INPP5D: variants seen among roughly 807,000 people sequenced by gnomAD.
INPP5D encodes phosphatidylinositol 3,4,5-trisphosphate 5-phosphatase 1.
Under a neutral mutation model 122.9 loss-of-function variants are expected in INPP5D, and 33 were observed. The ratio of observed to expected loss-of-function variants is 0.27; its 90% CI spans 0.20 to 0.36. The LOEUF is 0.36. INPP5D is among the 10% of genes least tolerant of loss of function. The probability of loss-of-function intolerance (pLI) is 1.00; values close to 1 mark genes in which losing one functional copy is unlikely to be tolerated. For synonymous variants in INPP5D, 584 were observed against 576.2 expected, an observed-to-expected ratio of 1.01 and a Z score of -0.19; for missense variants, 1,053 against 1,412.7, an observed-to-expected ratio of 0.75 and a Z score of 4.08.
At chr2:233,130,447 T>C in intron 4 of INPP5D, 61 bp from the exon 5 acceptor site, 1 of 1,567,472 alleles carries the variant, frequency 6.4e-7, no homozygotes, top group South Asian at 1.2e-5. Flanking sequence ...GCTGTTCCCA[T>C]TGGTGATGGT....
intron 9 of INPP5D, among the ~76,000 whole-genome samples, chr2:233,148,347 G>T (rs1409963158): frequency 2.7e-5 from 4 of 148,956 alleles, no homozygotes; most frequent in Admixed American, 2.7e-4. Context: ...AGGGCAAAGG[G>T]GTAGAGGTTA....
chr2:233,142,767 A>T (rs1693658342), intron 6 of INPP5D, among the ~76,000 whole-genome samples: 1 of 152,128 alleles, frequency 6.6e-6, no homozygotes, highest in African/African-American at 2.4e-5. Flanking sequence ...GGGTCAGCTG[A>T]TGTAAACCCT....
intron 9 of INPP5D, among the ~76,000 whole-genome samples, chr2:233,156,597 C>A (rs141947881): frequency 6.6e-6 from 1 of 152,120 alleles, no homozygotes; most frequent in South Asian, 2.1e-4. Flanking sequence ...GCCTGGCCCA[C>A]GCTTCCTTCT....
At chr2:233,169,947 A>G (rs1694447935) in intron 14 of INPP5D, 79 bp from the exon 15 acceptor site, 3 of 1,601,808 alleles carry the variant, frequency 1.9e-6, no homozygotes, top group African/African-American at 1.3e-5. Flanking sequence ...CCCCACACCT[A>G]TGGCAGGAGT....
chr2:233,165,600 G>A (rs1407120412), intron 13 of INPP5D, among the ~76,000 whole-genome samples: 8 of 151,940 alleles, frequency 5.3e-5, no homozygotes, highest in Admixed American at 5.2e-4. Flanking sequence ...GTGTGTTTAT[G>A]TGCATCTGTG....
rs576699052 is a variant in INPP5D, at chr2:233,129,909, TGTGTGTGTGA to T, written c.525-597_525-588del. Among the ~76,000 whole-genome samples the T allele has an allele frequency of 3.2e-3, 488 of 151,144 alleles. 5 individuals are homozygous for T. Among genetic ancestry groups the T allele is most frequent in the Middle Eastern group, 0.014 (4 of 290 alleles). On this transcript the variant is annotated intron_variant, in intron 4 of 26. Transcript: ENST00000445964. ...TTGTGTGTGTGTGTGTGTGTGTGTG[TGTGTGTGTGA>T]GAGACAGTGTCTCACTCTGTCACTC...
chr2:233,069,863 A>G (rs996401084), intron 1 of INPP5D, among the ~76,000 whole-genome samples: 1 of 152,206 alleles, frequency 6.6e-6, no homozygotes, highest in Non-Finnish European at 1.5e-5. Flanking sequence ...GAATTACTAG[A>G]TCGAGGGACA....
rs1476303658 is a variant in INPP5D, at chr2:233,105,122, A to G, written c.199-16985A>G. Among the ~76,000 whole-genome samples, 1 of 152,162 alleles carries G rather than the reference A, an allele frequency of 6.6e-6. No homozygotes were observed. Among genetic ancestry groups the G allele is most frequent in the African/African-American group, 2.4e-5 (1 of 41,440 alleles). ...ATTTCCCCATAGGTGAGGTGGTTCC[A>G]GTGCCCAAGGGCAGTCGTCTGAGGC... On this transcript the variant is annotated intron_variant, in intron 2 of 26. Transcript: ENST00000445964. The surrounding 1 kb of genome is among the most constrained non-coding windows in gnomAD (Gnocchi z 4.0).
At chr2:233,113,329 G>T (rs1692683861) in intron 2 of INPP5D, among the ~76,000 whole-genome samples, 10 of 152,076 alleles carry the variant, frequency 6.6e-5, no homozygotes, top group Admixed American at 6.6e-4. Flanking sequence ...CAGGTCCAAG[G>T]TCTGCTGGCC....
rs868506689 is a variant in INPP5D, at chr2:233,169,410, AC to A, written c.1652+10del. ...AGTGAAAAGAAACTCAGGTAATGGAACTCCTTCCCCCCAAGAGTGTGCATTT... is the reference window on the plus strand; with the variant it reads ...AGTGAAAAGAAACTCAGGTAATGGAATCCTTCCCCCCAAGAGTGTGCATTT... On this transcript the variant is annotated intron_variant, in intron 14 of 26. Transcript: ENST00000445964. The A allele has an allele frequency of 0.41, 642,547 of 1,579,348 alleles. 141,600 individuals are homozygous for A. Among genetic ancestry groups the A allele is most frequent in the Non-Finnish European group, 0.46 (529,035 of 1,161,748 alleles).
intron 9 of INPP5D, among the ~76,000 whole-genome samples, 185 bp from the exon 10 acceptor site, chr2:233,158,128 C>G (rs1694103697): frequency 6.6e-6 from 1 of 152,102 alleles, no homozygotes; most frequent in South Asian, 2.1e-4. Flanking sequence ...AGACATCACC[C>G]TCCCCAAGCA....
At chr2:233,168,091 A>C (rs571644645) in intron 13 of INPP5D, among the ~76,000 whole-genome samples, 27 of 152,200 alleles carry the variant, frequency 1.8e-4, no homozygotes, top group African/African-American at 6.5e-4. Flanking sequence ...TTTATGATCA[A>C]AATAGATTAC....
chr2:233,165,643 TGA>T (rs1486319969), intron 13 of INPP5D, among the ~76,000 whole-genome samples: 20 of 152,020 alleles, frequency 1.3e-4, no homozygotes, highest in East Asian at 3.8e-4. Flanking sequence ...TATGAGTGTG[TGA>T]GAGTCCATGC....
At chr2:233,167,817 C>T (rs1225306185) in intron 13 of INPP5D, among the ~76,000 whole-genome samples, 2 of 152,028 alleles carry the variant, frequency 1.3e-5, no homozygotes, top group Admixed American at 6.6e-5. Flanking sequence ...CCAACCTGGG[C>T]AACACGGTGA....
At chr2:233,131,534 T>TAAA in intron 5 of INPP5D, among the ~76,000 whole-genome samples, 2 of 134,344 alleles carry the variant, frequency 1.5e-5, no homozygotes, top group East Asian at 2.1e-4. Flanking sequence ...CTGTCTCTAC[T>TAAA]AAAAAAAAAA....
rs1419028525 is a variant in INPP5D, at chr2:233,106,755, G to A, written c.199-15352G>A. On this transcript the variant is annotated intron_variant, in intron 2 of 26. Transcript: ENST00000445964. Reference sequence around the variant, plus strand: ...AGCTGTGACTCTAGTGATCAAGGACGCATCCTGTCCTGGATTCTTAATTGT... The same window carrying A: ...AGCTGTGACTCTAGTGATCAAGGACACATCCTGTCCTGGATTCTTAATTGT... 1.3e-5 allele frequency among the ~76,000 whole-genome samples: 2 copies of A among 152,188 alleles called. 1 individual carries two copies. The highest frequency in any genetic ancestry group is 2.9e-5 in the Non-Finnish European group (2 of 68,022).
chr2:233,170,905 CAAAA>C lies in INPP5D; in HGVS notation c.1901-143_1901-140del, dbSNP rs546215336. ...TGGCCAACAAAGACAGACTCCGTCT[CAAAA>C]AAAAAAAAAAAAAAAGCAGCAGCCT... is the stretch of plus-strand genomic sequence containing the variant. On this transcript the variant is annotated intron_variant, in intron 16 of 26. Coordinates refer to ENST00000445964, the MANE Select transcript of INPP5D (RefSeq NM_001017915.3). The surrounding 1 kb of genome is among the most constrained non-coding windows in gnomAD (Gnocchi z 4.5). Among the ~76,000 whole-genome samples, 61 of 109,648 alleles carry C rather than the reference CAAAA, an allele frequency of 5.6e-4. No homozygotes were observed. The highest frequency in any genetic ancestry group is 9.2e-3 in the Middle Eastern group (2 of 218). 71.9% of individuals were successfully genotyped at this position (109,648 alleles called of 152,430 possible). A position where few individuals can be genotyped will look rare whatever the true frequency, so the allele number is the denominator to read the frequency against.
intron 11 of INPP5D, among the ~76,000 whole-genome samples, chr2:233,162,414 TA>T (rs1255940184): frequency 4.0e-5 from 6 of 151,428 alleles, no homozygotes; most frequent in African/African-American, 1.2e-4. Context: ...GTGTAATTAT[TA>T]TATTAAATAT....
rs149130511 is a variant in INPP5D, at chr2:233,164,940, G to T, written c.1555+516G>T. ...TGAGACCTTCCTTACAAGCACAGGC[G>T]GGAGGTGGCTGGCCCCTGCCCTCGG... On this transcript the variant is annotated intron_variant, in intron 13 of 26. Transcript: ENST00000445964. The surrounding 1 kb of genome is among the most constrained non-coding windows in gnomAD (Gnocchi z 4.3). 0.01 allele frequency among the ~76,000 whole-genome samples: 1,557 copies of T among 152,280 alleles called. 22 individuals are homozygous for T. Among genetic ancestry groups the T allele is most frequent in the African/African-American group, 0.035 (1,469 of 41,536 alleles).
Sources: gnomAD v4.1 joint callset for allele counts (sites outside exome capture counted in the v4.1 genomes callset) on GRCh38, gnomAD v4.1.1 for gene constraint, Gnocchi (gnomAD v3.1) non-coding constraint, MANE v1.5 for transcripts, NCBI Gene and HGNC (gene_info 2026-07-23, HGNC 2026-07-21) for gene names.